MGST1: variants seen among roughly 807,000 people sequenced by gnomAD.
The protein encoded by MGST1 is microsomal glutathione S-transferase 1, also known as glutathione S-transferase 12.
MGST1 carries 5 observed loss-of-function variants against 8.9 expected under a neutral mutation model. The observed-to-expected ratio is 0.56, with a 90% confidence interval of 0.29 to 1.19. The LOEUF (loss-of-function observed/expected upper bound fraction) is 1.19. Among genes scored for constraint, MGST1 ranks in the 50% most tolerant of loss-of-function variants. The pLI is 0.08. For missense variants in MGST1, 182 were observed against 187.4 expected (o/e 0.97, Z 0.17); for synonymous variants, 54 against 67.8 (o/e 0.80, Z 1.00).
chr12:16,372,381 C>T (rs73064103), intron 3 of MGST1, among the ~76,000 whole-genome samples: 9,244 of 152,010 alleles, frequency 0.061, 381 homozygotes, highest in Middle Eastern at 0.12. Flanking sequence ...TCTGAATAGA[C>T]GTTCTCAAAA....
chr12:16,407,134 CAGAAT>C (rs1198497811), intron 1 of MGST1, among the ~76,000 whole-genome samples: 1 of 152,156 alleles, frequency 6.6e-6, no homozygotes, highest in Non-Finnish European at 1.5e-5. Context: ...AGACAACCTA[CAGAAT>C]AGGAGAAAAT....
chr12:16,438,163 T>C (rs1941005034), exon 2 of MGST1: 1 of 152,002 alleles, frequency 6.6e-6, no homozygotes, highest in Non-Finnish European at 1.5e-5. Flanking sequence ...GCTTTAGTCA[T>C]CTTTGCCATT....
rs368687739 is a variant in MGST1 at position 16,526,427 on chromosome 12, G to A, written n.483-63101G>A. Among the ~76,000 whole-genome samples the A allele has an allele frequency of 7.9e-5, 12 of 151,940 alleles. No individual in the cohort carries two copies. In the East Asian group the frequency reaches 1.7e-3, roughly 22 times the overall value. On this transcript the variant is annotated intron_variant and non_coding_transcript_variant, in intron 4 of 4. Coordinates refer to the MGST1 transcript ENST00000538857. Reference sequence around the variant, plus strand: ...GACTCCTAGTGCGGTATGTTGCTGGGGAGATATAAACTTTCATTTGTGATT... The same window carrying A: ...GACTCCTAGTGCGGTATGTTGCTGGAGAGATATAAACTTTCATTTGTGATT...
intron 4 of MGST1, among the ~76,000 whole-genome samples, chr12:16,540,943 A>T (rs913436758): frequency 2.0e-5 from 3 of 152,184 alleles, no homozygotes; most frequent in Non-Finnish European, 2.9e-5. Context: ...GAAATTTTAG[A>T]GGGGCACAAG....
chr12:16,454,881 A>C (rs1370883774), intron 4 of MGST1, among the ~76,000 whole-genome samples: 3 of 15,692 alleles, frequency 1.9e-4, no homozygotes, highest in Non-Finnish European at 1.8e-3. Context: ...CCAAAAAAAA[A>C]AAAAAAAAAA....
chr12:16,513,975 T>C lies in MGST1; in HGVS notation n.483-75553T>C. The C allele has an allele frequency of 2.1e-6, 1 of 473,592 alleles. No homozygotes were observed. Among genetic ancestry groups the C allele is most frequent in the South Asian group, 2.0e-5 (1 of 50,078 alleles). The allele number at this position is 473,592 out of a possible 1,614,324, so 29.3% of individuals were successfully genotyped here. A position where few individuals can be genotyped will look rare whatever the true frequency, so the allele number is the denominator to read the frequency against. On this transcript the variant is annotated intron_variant and non_coding_transcript_variant, in intron 4 of 4. Coordinates refer to the MGST1 transcript ENST00000538857. The surrounding 1 kb of genome is among the most constrained non-coding windows in gnomAD (Gnocchi z 4.2). ...ACTTCACAGACACTGTGGAGGACATTTCAAAAACACCAGAGCAAAGTCTTC... is the reference window on the plus strand; with the variant it reads ...ACTTCACAGACACTGTGGAGGACATCTCAAAAACACCAGAGCAAAGTCTTC...
intron 1 of MGST1, chr12:16,402,471 G>T: frequency 6.4e-7 from 1 of 1,552,138 alleles, no homozygotes; most frequent in Non-Finnish European, 8.9e-7. Flanking sequence ...CGATGTCCCG[G>T]CTCTGCCACC....
At chr12:16,477,919 G>T (rs1941334460) in intron 4 of MGST1, among the ~76,000 whole-genome samples, 1 of 152,162 alleles carries the variant, frequency 6.6e-6, no homozygotes, top group South Asian at 2.1e-4. Flanking sequence ...AATGGAAAGG[G>T]TTCACAGTGC....
intron 4 of MGST1, among the ~76,000 whole-genome samples, chr12:16,570,732 G>A (rs554189362): frequency 2.0e-5 from 3 of 152,180 alleles, no homozygotes; most frequent in African/African-American, 7.2e-5. Flanking sequence ...TGATGTAAAG[G>A]ATATCTTTTA....
At chr12:16,431,304 G>A (rs1202600604) in intron 1 of MGST1, among the ~76,000 whole-genome samples, 4 of 152,138 alleles carry the variant, frequency 2.6e-5, no homozygotes, top group African/African-American at 9.7e-5. Flanking sequence ...GACTGGAGTA[G>A]CACTTTTAAT....
intron 4 of MGST1, among the ~76,000 whole-genome samples, chr12:16,446,870 A>G (rs867191826): frequency 5.9e-5 from 9 of 151,594 alleles, no homozygotes; most frequent in African/African-American, 2.2e-4. Flanking sequence ...CTTCTTGTTG[A>G]TTCTGGTGTC....
intron 1 of MGST1, among the ~76,000 whole-genome samples, chr12:16,390,199 G>GA (rs1041992660): frequency 2.1e-4 from 30 of 143,642 alleles, no homozygotes; most frequent in South Asian, 6.5e-4. Context: ...CACCTCAGGG[G>GA]AAAAAAAAAA....
At chr12:16,568,525 G>C (rs543644338) in intron 4 of MGST1, among the ~76,000 whole-genome samples, 55 of 152,214 alleles carry the variant, frequency 3.6e-4, no homozygotes, top group Non-Finnish European at 5.9e-5. Context: ...ATGACTACTT[G>C]ACATGTAGTG....
rs146777603 is a variant in MGST1 at position 16,475,437 on chromosome 12, AT to A, written n.482+91835del. Among the ~76,000 whole-genome samples the A allele has an allele frequency of 1.8e-3, 267 of 152,330 alleles. 3 individuals carry two copies. In the East Asian group the frequency reaches 0.046, roughly 26 times the overall value. ...TACTTTTTAAACTTGATTCTTAATTATTAATAGATTAATGATTCCCATTGCT... is the reference window on the plus strand; with the variant it reads ...TACTTTTTAAACTTGATTCTTAATTATAATAGATTAATGATTCCCATTGCT... On this transcript the variant is annotated intron_variant and non_coding_transcript_variant, in intron 4 of 4. Coordinates refer to the MGST1 transcript ENST00000538857.
intron 4 of MGST1, among the ~76,000 whole-genome samples, chr12:16,481,953 C>T (rs530277058): frequency 2.2e-4 from 34 of 151,798 alleles, no homozygotes; most frequent in Middle Eastern, 3.4e-3. Flanking sequence ...AGTAAAATTG[C>T]GGAACACCAC....
intron 1 of MGST1, chr12:16,400,423 G>C: frequency 2.5e-6 from 2 of 814,282 alleles, no homozygotes; most frequent in East Asian, 4.9e-5. Flanking sequence ...GGCAATATTT[G>C]GGCGAATGTA....
chr12:16,558,599 C>T (rs941816737), intron 4 of MGST1, among the ~76,000 whole-genome samples: 1 of 152,030 alleles, frequency 6.6e-6, no homozygotes, highest in African/African-American at 2.4e-5. Flanking sequence ...CTAAATGTTA[C>T]CCTAGACTGA....
At chr12:16,391,199 T>G (rs1361125602) in intron 1 of MGST1, among the ~76,000 whole-genome samples, 1 of 151,890 alleles carries the variant, frequency 6.6e-6, no homozygotes, top group Non-Finnish European at 1.5e-5. Context: ...ACGAGCAGGT[T>G]TGTTATGTAG....
rs200073692 is a variant in MGST1 at position 16,408,030 on chromosome 12, C to CAAAAAAAAAAAAAAAA, written n.778+24439_778+24454dup. 7.0e-4 allele frequency among the ~76,000 whole-genome samples: 31 copies of CAAAAAAAAAAAAAAAA among 44,086 alleles called. 2 individuals are homozygous for CAAAAAAAAAAAAAAAA. The highest frequency in any genetic ancestry group is 2.4e-3 in the East Asian group (5 of 2,084). The allele number at this position is 44,086 out of a possible 152,430, so 28.9% of individuals were successfully genotyped here. On this transcript the variant is annotated intron_variant and non_coding_transcript_variant, in intron 1 of 1. Transcript: ENST00000359720. ...CTGGCAACAGAGCAAGACTCTGTCT[C>CAAAAAAAAAAAAAAAA]AAAAAAAAAAAAAAAAAAAAAAAAA...
Sources: gnomAD v4.1 joint callset for allele counts (sites outside exome capture counted in the v4.1 genomes callset) on GRCh38, gnomAD v4.1.1 for gene constraint, Gnocchi (gnomAD v3.1) non-coding constraint, MANE v1.5 for transcripts, NCBI Gene and HGNC (gene_info 2026-07-23, HGNC 2026-07-21) for gene names.